The following ARHGAP35 variants were observed in gnomAD, a reference collection of about 807,000 sequenced individuals.
The protein encoded by ARHGAP35 is Rho GTPase activating protein 35, also known as rho GTPase-activating protein 35.
A neutral mutation model predicts 111.1 loss-of-function variants in ARHGAP35; 15 were observed. The observed-to-expected ratio is 0.13, with a 90% CI of 0.09 to 0.21. ARHGAP35 has a LOEUF of 0.21. ARHGAP35 is among the 10% of genes least tolerant of loss of function. The probability of loss-of-function intolerance (pLI) is 1.00; values close to 1 mark genes in which losing one functional copy is unlikely to be tolerated. For missense variants in ARHGAP35, 1,262 were observed against 1,873.0 expected, an observed-to-expected ratio of 0.67 and a Z score of 6.02; for synonymous variants, 643 against 710.3, an observed-to-expected ratio of 0.91 and a Z score of 1.51.
chr19:46,978,719 ATG>A (rs2056597936), intron 3 of ARHGAP35, among the ~76,000 whole-genome samples: 1 of 11,228 alleles, frequency 8.9e-5, no homozygotes, highest in Non-Finnish European at 1.8e-4. Context: ...GTGTGGTGGG[ATG>A]TGTGTGTGGT....
chr19:46,867,984 A>C (rs1021657635), intron 1 of ARHGAP35, among the ~76,000 whole-genome samples: 1 of 152,126 alleles, frequency 6.6e-6, no homozygotes, highest in Non-Finnish European at 1.5e-5. Context: ...CTTGTGCCTC[A>C]GCCTCCCAAG....
At chr19:46,935,713 C>T (rs1026572950) in intron 2 of ARHGAP35, among the ~76,000 whole-genome samples, 1 of 152,216 alleles carries the variant, frequency 6.6e-6, no homozygotes, top group Non-Finnish European at 1.5e-5. Flanking sequence ...GCTGGAGATA[C>T]ACCTGGGTCT....
intron 2 of ARHGAP35, among the ~76,000 whole-genome samples, chr19:46,924,494 A>G (rs2056227326): frequency 6.6e-6 from 1 of 152,240 alleles, no homozygotes; most frequent in African/African-American, 2.4e-5. Flanking sequence ...AATAAATGCC[A>G]TAGGCATCCT....
chr19:46,906,076 G>T (rs530296400), intron 1 of ARHGAP35, among the ~76,000 whole-genome samples: 66 of 152,158 alleles, frequency 4.3e-4, no homozygotes, highest in African/African-American at 1.5e-3. Flanking sequence ...CAGCACTTTG[G>T]GAGGCCAAGG....
At chr19:46,907,513 C>T (rs539311514) in intron 1 of ARHGAP35, among the ~76,000 whole-genome samples, 60 of 140,432 alleles carry the variant, frequency 4.3e-4, no homozygotes, top group Non-Finnish European at 4.6e-5. Flanking sequence ...TTTTTTGAGA[C>T]GGAGTCTCGC....
chr19:46,888,438 G>A (rs1373559475), intron 1 of ARHGAP35, among the ~76,000 whole-genome samples: 1 of 148,574 alleles, frequency 6.7e-6, no homozygotes, highest in African/African-American at 2.5e-5. Context: ...TCATGCCCTT[G>A]GGTAACGGTG....
At chr19:46,958,898 T>C (rs988015490) in intron 3 of ARHGAP35, among the ~76,000 whole-genome samples, 4 of 152,198 alleles carry the variant, frequency 2.6e-5, no homozygotes, top group South Asian at 4.1e-4. Context: ...ATATTGGGGA[T>C]TGAGGTCACA....
intron 1 of ARHGAP35, among the ~76,000 whole-genome samples, chr19:46,899,841 T>C (rs1007511796): frequency 9.2e-5 from 14 of 152,132 alleles, no homozygotes; most frequent in African/African-American, 3.4e-4. Flanking sequence ...AGGACTGTGG[T>C]AAAAACCTGT....
intron 1 of ARHGAP35, among the ~76,000 whole-genome samples, chr19:46,892,520 AG>A (rs571455621): frequency 3.4e-4 from 52 of 151,312 alleles, no homozygotes; most frequent in Admixed American, 3.4e-3. Flanking sequence ...GTGGGTATGG[AG>A]CCACAGTTGG....
intron 1 of ARHGAP35, among the ~76,000 whole-genome samples, chr19:46,880,441 A>C (rs887357297): frequency 1.3e-5 from 2 of 152,076 alleles, no homozygotes; most frequent in Non-Finnish European, 2.9e-5. Flanking sequence ...AAAAAAAAAG[A>C]AGCAATTCCT....
At chr19:46,995,614 G>A (rs2056703126) in intron 5 of ARHGAP35, among the ~76,000 whole-genome samples, 1 of 152,218 alleles carries the variant, frequency 6.6e-6, no homozygotes, top group African/African-American at 2.4e-5. Context: ...CTCTGGAGTG[G>A]GTTTCTCAGC....
In ARHGAP35 at chr19:46,999,032, T is replaced by G. The variant is rs2122363785; in HGVS notation, c.4037-272T>G. 7.2e-6 allele frequency: 3 copies of G among 414,940 alleles called. No individual in the cohort carries two copies. The highest frequency in any genetic ancestry group is 8.6e-6 in the Non-Finnish European group (2 of 232,548). The allele number at this position is 414,940 out of a possible 1,614,324, so 25.7% of individuals were successfully genotyped here. A position where few individuals can be genotyped will look rare whatever the true frequency, so the allele number is the denominator to read the frequency against. ...TTCTTTATGGCGGAGTGTCTCCAGA[T>G]TGTTCTGTCTTGGGTGGTGGGGGCC... On this transcript the variant is annotated intron_variant, in intron 5 of 6. Coordinates refer to ENST00000672722, the MANE Select transcript of ARHGAP35 (RefSeq NM_004491.5). The surrounding 1 kb of genome is among the most constrained non-coding windows in gnomAD (Gnocchi z 5.4).
chr19:46,904,499 G>A (rs73940791), intron 1 of ARHGAP35, among the ~76,000 whole-genome samples: 4,912 of 152,220 alleles, frequency 0.032, 260 homozygotes, highest in African/African-American at 0.11. Context: ...CTTGAGCACA[G>A]GCAGAAAGCA....
At position 46,862,184 on chromosome 19, in the gene ARHGAP35, G is replaced by A. The variant is rs117114735; in HGVS notation, c.-189+975G>A. Among the ~76,000 whole-genome samples the A allele has an allele frequency of 6.0e-3, 917 of 152,002 alleles. 5 individuals carry two copies. The highest frequency in any genetic ancestry group is 0.02 in the Middle Eastern group (6 of 294). ...CCCTCACCTGCTTGCTTCTGACTCTGCCTTCCCGGGAAGCAGCCTCCTCCC... is the reference window on the plus strand; with the variant it reads ...CCCTCACCTGCTTGCTTCTGACTCTACCTTCCCGGGAAGCAGCCTCCTCCC... On this transcript the variant is annotated intron_variant, in intron 1 of 6. Transcript: ENST00000672722.
chr19:46,969,381 C>A (rs1308209851), intron 3 of ARHGAP35, among the ~76,000 whole-genome samples: 1 of 152,188 alleles, frequency 6.6e-6, no homozygotes, highest in Non-Finnish European at 1.5e-5. Context: ...TAAAATTTTT[C>A]ACTGAGTCTG....
Position 46,988,112 on chromosome 19 carries a change from G to A in ARHGAP35, c.3904+46G>A. 1 of 1,572,762 alleles carries A rather than the reference G, an allele frequency of 6.4e-7. No individual in the cohort carries two copies. Among genetic ancestry groups the A allele is most frequent in the Non-Finnish European group, 8.7e-7 (1 of 1,148,114 alleles). Reference sequence around the variant, plus strand: ...GCATCCGAGGCCAGAGCTGGTCAAGGCAGACACAGCTGCCTCGGTGAACTG... The same window carrying A: ...GCATCCGAGGCCAGAGCTGGTCAAGACAGACACAGCTGCCTCGGTGAACTG... On this transcript the variant is annotated intron_variant, in intron 4 of 6. Coordinates refer to ENST00000672722, the MANE Select transcript of ARHGAP35 (RefSeq NM_004491.5). The surrounding 1 kb of genome is among the most constrained non-coding windows in gnomAD (Gnocchi z 5.4).
At chr19:46,885,577 G>T (rs929868669) in intron 1 of ARHGAP35, among the ~76,000 whole-genome samples, 1 of 152,068 alleles carries the variant, frequency 6.6e-6, no homozygotes, top group Non-Finnish European at 1.5e-5. Flanking sequence ...GGTTAATGCC[G>T]GTGATTTCAT....
chr19:46,881,664 G>T (rs536577955), intron 1 of ARHGAP35, among the ~76,000 whole-genome samples: 3 of 152,236 alleles, frequency 2.0e-5, no homozygotes, highest in African/African-American at 7.2e-5. Context: ...GATTCCTAAG[G>T]CCTGTAGGAT....
chr19:46,991,363 G>A (rs189743611), intron 5 of ARHGAP35, among the ~76,000 whole-genome samples: 44 of 152,290 alleles, frequency 2.9e-4, no homozygotes, highest in Admixed American at 6.5e-5. Context: ...CCTGCCACCC[G>A]GCAGAACCCC....
Sources: gnomAD v4.1 joint callset for allele counts (sites outside exome capture counted in the v4.1 genomes callset) on GRCh38, gnomAD v4.1.1 for gene constraint, Gnocchi (gnomAD v3.1) non-coding constraint, MANE v1.5 for transcripts, NCBI Gene and HGNC (gene_info 2026-07-23, HGNC 2026-07-21) for gene names.